Variants in PTPRM observed in about 807,000 individuals in gnomAD.
PTPRM encodes the protein protein tyrosine phosphatase receptor type M.
PTPRM carries 47 observed loss-of-function variants against 186.7 expected under a neutral mutation model. The ratio of observed to expected loss-of-function variants is 0.25; its 90% CI spans 0.20 to 0.32. The LOEUF is 0.32. Ranked by LOEUF, PTPRM falls within the 10% of genes least tolerant of loss-of-function variation. PTPRM has a pLI of 1.00. For synonymous variants in PTPRM, 668 were observed against 674.9 expected, an observed-to-expected ratio of 0.99 and a Z score of 0.16; for missense variants, 1,494 against 1,865.0, an observed-to-expected ratio of 0.80 and a Z score of 3.66.
chr18:7,842,945 T>TAGAGAGAGAG (rs1230883241), intron 2 of PTPRM, among the ~76,000 whole-genome samples: 4 of 115,112 alleles, frequency 3.5e-5, no homozygotes, highest in East Asian at 3.6e-4. Flanking sequence ...TATATATATA[T>TAGAGAGAGAG]ATAGAGAGAG....
At chr18:7,685,351 G>A (rs1004924394) in intron 1 of PTPRM, among the ~76,000 whole-genome samples, 1 of 152,174 alleles carries the variant, frequency 6.6e-6, no homozygotes, top group Non-Finnish European at 1.5e-5. Context: ...TTTAACTAAA[G>A]TATGATCATT....
chr18:7,678,057 T>A (rs2039388853), intron 1 of PTPRM, among the ~76,000 whole-genome samples: 1 of 152,044 alleles, frequency 6.6e-6, no homozygotes, highest in Admixed American at 6.6e-5. Flanking sequence ...ATAGGGGCTC[T>A]GTGTGTATTT....
At chr18:7,855,504 T>C (rs2047054567) in intron 2 of PTPRM, among the ~76,000 whole-genome samples, 1 of 152,202 alleles carries the variant, frequency 6.6e-6, no homozygotes, top group Non-Finnish European at 1.5e-5. Flanking sequence ...TGTGGTACCA[T>C]CCTATTTGCA....
intron 3 of PTPRM, among the ~76,000 whole-genome samples, chr18:7,897,236 G>T (rs1265741482): frequency 6.6e-6 from 1 of 152,212 alleles, no homozygotes; most frequent in Non-Finnish European, 1.5e-5. Context: ...GCTGGAGCCA[G>T]AATTTGGGCT....
intron 2 of PTPRM, among the ~76,000 whole-genome samples, chr18:7,783,744 AAT>A (rs1322065572): frequency 3.8e-5 from 4 of 105,956 alleles, no homozygotes; most frequent in African/African-American, 1.2e-4. Flanking sequence ...GCTAATTTTT[AAT>A]TTTGTGTGTG....
chr18:7,986,845 C>G (rs181145519), intron 7 of PTPRM, among the ~76,000 whole-genome samples: 34 of 152,186 alleles, frequency 2.2e-4, no homozygotes, highest in African/African-American at 7.0e-4. Context: ...GGATAATTAA[C>G]TTAAAATGTG....
intron 1 of PTPRM, among the ~76,000 whole-genome samples, chr18:7,632,619 G>A (rs1210830537): frequency 1.3e-5 from 2 of 152,172 alleles, no homozygotes; most frequent in African/African-American, 4.8e-5. Flanking sequence ...GGCCACATCT[G>A]TTTTAATTAG....
chr18:8,004,266 G>T (rs1164340607), intron 7 of PTPRM, among the ~76,000 whole-genome samples: 1 of 152,044 alleles, frequency 6.6e-6, no homozygotes, highest in Non-Finnish European at 1.5e-5. Context: ...CTTATGAAAG[G>T]GATCCATAGA....
intron 1 of PTPRM, among the ~76,000 whole-genome samples, chr18:7,677,548 A>G (rs1202780890): frequency 6.6e-6 from 1 of 152,148 alleles, no homozygotes; most frequent in Non-Finnish European, 1.5e-5. Flanking sequence ...GATGAATGTC[A>G]TACTGATTGC....
At chr18:7,688,160 C>T (rs1051428916) in intron 1 of PTPRM, among the ~76,000 whole-genome samples, 1 of 152,148 alleles carries the variant, frequency 6.6e-6, no homozygotes, top group African/African-American at 2.4e-5. Context: ...TTGTCACACT[C>T]TCACGTATCT....
intron 23 of PTPRM, 86 bp downstream of exon 23, chr18:8,343,606 T>A: frequency 8.5e-7 from 1 of 1,182,810 alleles, no homozygotes; most frequent in Non-Finnish European, 1.2e-6. Context: ...GCTTTTGAAC[T>A]ATTATGTGTA....
intron 14 of PTPRM, among the ~76,000 whole-genome samples, chr18:8,237,289 T>G (rs1162832551): frequency 6.6e-6 from 1 of 152,146 alleles, no homozygotes; most frequent in Non-Finnish European, 1.5e-5. Flanking sequence ...AAAAAATGTT[T>G]TATTTTACTT....
chr18:7,803,811 G>A (rs749143353), intron 2 of PTPRM, among the ~76,000 whole-genome samples: 4 of 152,014 alleles, frequency 2.6e-5, no homozygotes, highest in African/African-American at 4.8e-5. Flanking sequence ...GGCTCTTCAC[G>A]GACAACACAT....
chr18:7,938,982 A>G (rs544051444), intron 5 of PTPRM, among the ~76,000 whole-genome samples: 4 of 152,328 alleles, frequency 2.6e-5, no homozygotes, highest in African/African-American at 9.6e-5. Context: ...TGGTCTAGAA[A>G]TCAAAGGTCA....
chr18:7,997,380 A>T (rs1278433128), intron 7 of PTPRM, among the ~76,000 whole-genome samples: 5 of 152,192 alleles, frequency 3.3e-5, no homozygotes, highest in Admixed American at 3.3e-4. Context: ...TATAAAACTC[A>T]AATAAAAATG....
At chr18:8,161,649 A>G (rs1472129199) in intron 14 of PTPRM, among the ~76,000 whole-genome samples, 1 of 152,164 alleles carries the variant, frequency 6.6e-6, no homozygotes, top group African/African-American at 2.4e-5. Flanking sequence ...TGTATTTTTA[A>G]GATAAACCAA....
At chr18:7,837,583 T>C (rs893287486) in intron 2 of PTPRM, among the ~76,000 whole-genome samples, 4 of 152,086 alleles carry the variant, frequency 2.6e-5, no homozygotes, top group Non-Finnish European at 5.9e-5. Flanking sequence ...GCCTCCTGAG[T>C]ACCTGGGACT....
At chr18:8,241,342 A>C (rs1043942283) in intron 14 of PTPRM, among the ~76,000 whole-genome samples, 1 of 152,168 alleles carries the variant, frequency 6.6e-6, no homozygotes, top group African/African-American at 2.4e-5. Context: ...CTGTCTCAAC[A>C]AAAAATAAAA....
intron 12 of PTPRM, 132 bp from the exon 13 acceptor site, chr18:8,114,659 T>C (rs1330174340): frequency 4.1e-6 from 3 of 739,388 alleles, no homozygotes; most frequent in Middle Eastern, 3.8e-4. Flanking sequence ...GAATAATTGC[T>C]GTGTGATTAA....
Sources: allele counts gnomAD v4.1 joint callset (sites outside exome capture counted in the v4.1 genomes callset), GRCh38; gene constraint gnomAD v4.1.1; transcripts MANE v1.5; gene names NCBI Gene and HGNC (gene_info 2026-07-23, HGNC 2026-07-21).